The following ARHGAP6 variants were observed in gnomAD, a reference collection of about 807,000 sequenced individuals.
ARHGAP6 encodes rho GTPase-activating protein 6.
Under a neutral mutation model 55.7 loss-of-function variants are expected in ARHGAP6, and 16 were observed. That is an observed-to-expected ratio of 0.29 (90% CI 0.19 to 0.44). ARHGAP6 has a LOEUF of 0.44. ARHGAP6 is among the 20% of genes least tolerant of loss of function. The probability of loss-of-function intolerance (pLI) is 1.00; values close to 1 mark genes in which losing one functional copy is unlikely to be tolerated. For synonymous variants in ARHGAP6, 382 were observed against 360.9 expected (o/e 1.06, Z -0.66); for missense variants, 698 against 808.9 (o/e 0.86, Z 1.66).
At chrX:11,284,581 A>G (rs2047898098) in intron 1 of ARHGAP6, among the ~76,000 whole-genome samples, 1 of 111,929 alleles carries the variant, frequency 8.9e-6, no homozygotes, top group South Asian at 3.8e-4. Context: ...CAAAGTATCA[A>G]ATCCATAGAT....
At chrX:11,191,102 G>A (rs2046454191) in intron 3 of ARHGAP6, among the ~76,000 whole-genome samples, 1 of 112,777 alleles carries the variant, frequency 8.9e-6, no homozygotes, top group African/African-American at 3.2e-5. Flanking sequence ...ATACTCTTAG[G>A]TATAAATAGC....
intron 1 of ARHGAP6, among the ~76,000 whole-genome samples, chrX:11,477,568 C>T (rs943328471): frequency 1.8e-5 from 2 of 112,188 alleles, no homozygotes; most frequent in East Asian, 2.8e-4. Context: ...CTTATTGCAG[C>T]TGTTTTCATA....
intron 1 of ARHGAP6, among the ~76,000 whole-genome samples, chrX:11,406,443 C>T (rs1487691501): frequency 9.0e-6 from 1 of 111,307 alleles, no homozygotes. Context: ...GTTTGGCTTA[C>T]AGCATTCCGC....
intron 2 of ARHGAP6, among the ~76,000 whole-genome samples, chrX:11,212,384 A>G (rs1432521574): frequency 1.8e-5 from 2 of 112,358 alleles, no homozygotes; most frequent in Non-Finnish European, 3.8e-5. Context: ...TTCCTTCTCA[A>G]TTGCCCCCAA....
At chrX:11,475,450 G>A (rs2050393399) in intron 1 of ARHGAP6, among the ~76,000 whole-genome samples, 3 of 109,848 alleles carry the variant, frequency 2.7e-5, no homozygotes, top group African/African-American at 9.9e-5. Flanking sequence ...CATATCTTGA[G>A]TGTTTCTTTC....
chrX:11,578,294 G>A (rs889309513), intron 1 of ARHGAP6, among the ~76,000 whole-genome samples: 2 of 111,262 alleles, frequency 1.8e-5, no homozygotes, highest in African/African-American at 6.5e-5. Context: ...ACCAATGAAG[G>A]GTTATCACTT....
intron 1 of ARHGAP6, among the ~76,000 whole-genome samples, chrX:11,345,972 T>TTG (rs888504086): frequency 3.6e-5 from 4 of 110,584 alleles, no homozygotes; most frequent in African/African-American, 1.3e-4. Flanking sequence ...AGGCACATTT[T>TTG]TTTTTTTTAA....
chrX:11,412,682 A>C (rs1818456450), intron 1 of ARHGAP6, among the ~76,000 whole-genome samples: 1 of 112,113 alleles, frequency 8.9e-6, no homozygotes, highest in African/African-American at 3.2e-5. Context: ...GCTGCAACAA[A>C]ATAACCCTTT....
intron 2 of ARHGAP6, among the ~76,000 whole-genome samples, chrX:11,246,313 A>G (rs955933157): frequency 1.8e-5 from 2 of 110,766 alleles, no homozygotes; most frequent in African/African-American, 6.6e-5. Flanking sequence ...TCTCACATCA[A>G]CCCTATGAGA....
At chrX:11,203,538 A>G (rs1442680186) in intron 2 of ARHGAP6, among the ~76,000 whole-genome samples, 7 of 111,851 alleles carry the variant, frequency 6.3e-5, no homozygotes, top group African/African-American at 2.3e-4. Context: ...TGTCCTCTGT[A>G]ATAACATTAA....
At chrX:11,572,718 T>A (rs1288259784) in intron 1 of ARHGAP6, among the ~76,000 whole-genome samples, 1 of 112,039 alleles carries the variant, frequency 8.9e-6, no homozygotes, top group East Asian at 2.8e-4. Context: ...ATGGGAAGGC[T>A]GGGTCAAATG....
chrX:11,266,054 T>A, intron 1 of ARHGAP6: 1 of 395,474 alleles, frequency 2.5e-6, no homozygotes. Flanking sequence ...TGTGTGTGTG[T>A]GTGTGTGTGT....
chrX:11,620,694 C>T (rs2147163860), intron 1 of ARHGAP6, among the ~76,000 whole-genome samples: 1 of 112,413 alleles, frequency 8.9e-6, no homozygotes, highest in African/African-American at 3.2e-5. Flanking sequence ...CACCGGTTAT[C>T]AAGGGGGAGT....
chrX:11,353,570 G>A (rs2147674979), intron 1 of ARHGAP6, among the ~76,000 whole-genome samples: 1 of 104,273 alleles, frequency 9.6e-6, no homozygotes, highest in Admixed American at 1.0e-4. Flanking sequence ...GTGTGTGTGT[G>A]TGTGTGTGTG....
chrX:11,497,752 T>C (rs1282075043), intron 1 of ARHGAP6, among the ~76,000 whole-genome samples: 1 of 110,711 alleles, frequency 9.0e-6, no homozygotes, highest in East Asian at 2.8e-4. Context: ...GGTATTTTGT[T>C]ATAGCAGCCT....
chrX:11,248,379 C>G (rs2047379330), intron 2 of ARHGAP6, among the ~76,000 whole-genome samples: 1 of 111,659 alleles, frequency 9.0e-6, no homozygotes, highest in Non-Finnish European at 1.9e-5. Context: ...AATGCAAGAA[C>G]CCAAAAGCAA....
chrX:11,410,966 A>G (rs762327255), intron 1 of ARHGAP6, among the ~76,000 whole-genome samples: 2 of 107,609 alleles, frequency 1.9e-5, no homozygotes, highest in South Asian at 8.1e-4. Flanking sequence ...ATAAAAAGAG[A>G]GAAACAAACA....
chrX:11,551,824 A>G (rs1047785658), intron 1 of ARHGAP6, among the ~76,000 whole-genome samples: 1 of 111,759 alleles, frequency 8.9e-6, no homozygotes, highest in African/African-American at 3.3e-5. Context: ...AACCATTAAA[A>G]CTAGGAGAGA....
chrX:11,155,118 G>A (rs1467711706), intron 10 of ARHGAP6, among the ~76,000 whole-genome samples: 1 of 111,756 alleles, frequency 8.9e-6, no homozygotes, highest in Non-Finnish European at 1.9e-5. Flanking sequence ...GAAGGAGGTT[G>A]AACAACATGG....
Sources: allele counts gnomAD v4.1 joint callset (sites outside exome capture counted in the v4.1 genomes callset), GRCh38; gene constraint gnomAD v4.1.1; transcripts MANE v1.5; gene names NCBI Gene and HGNC (gene_info 2026-07-23, HGNC 2026-07-21).